The following AKAP19 variants were observed in gnomAD, a reference collection of about 807,000 sequenced individuals.
The protein encoded by AKAP19 is small A-kinase anchoring protein.
At chr2:189,930,345 C>T in the AKAP19 span, 1 of 576,570 alleles carries the variant, frequency 1.7e-6, no homozygotes. Flanking sequence ...ATCTACCAGT[C>T]ATAATACAGT....
chr2:190,099,081 AG>A, the AKAP19 span, among the ~76,000 whole-genome samples: 1 of 152,218 alleles, frequency 6.6e-6, no homozygotes, highest in Admixed American at 6.5e-5. Context: ...ATTGGCAAAA[AG>A]GCTGTTTTGC....
the AKAP19 span, among the ~76,000 whole-genome samples, chr2:190,010,605 A>G: frequency 2.0e-5 from 3 of 152,230 alleles, no homozygotes; most frequent in South Asian, 6.2e-4. Context: ...TTTGAAGATT[A>G]GTCATAAATT....
the AKAP19 span, among the ~76,000 whole-genome samples, chr2:190,118,582 T>C: frequency 6.6e-6 from 1 of 152,172 alleles, no homozygotes; most frequent in Admixed American, 6.5e-5. Flanking sequence ...TCAATAAACG[T>C]AATCCAGCAT....
At chr2:189,896,627 G>A in the AKAP19 span, among the ~76,000 whole-genome samples, 1 of 152,048 alleles carries the variant, frequency 6.6e-6, no homozygotes, top group Non-Finnish European at 1.5e-5. Context: ...ATATAAAGAT[G>A]CATTCTATCA....
At chr2:190,041,238 C>T in the AKAP19 span, among the ~76,000 whole-genome samples, 6 of 152,002 alleles carry the variant, frequency 3.9e-5, no homozygotes, top group Non-Finnish European at 7.4e-5. Flanking sequence ...TTTCTTCTTT[C>T]TGGTTAGCTG....
At chr2:190,063,458 C>A in the AKAP19 span, among the ~76,000 whole-genome samples, 4 of 151,956 alleles carry the variant, frequency 2.6e-5, no homozygotes, top group Non-Finnish European at 5.9e-5. Context: ...ATGTGTTTTT[C>A]ATTGTTTATT....
At chr2:190,200,249 T>G in the AKAP19 span, 1 of 918,522 alleles carries the variant, frequency 1.1e-6, no homozygotes, top group Non-Finnish European at 1.7e-6. Flanking sequence ...TATCTGGATT[T>G]AAAAATGTGT....
the AKAP19 span, among the ~76,000 whole-genome samples, chr2:189,901,684 A>G: frequency 1.3e-5 from 2 of 152,200 alleles, no homozygotes; most frequent in South Asian, 4.1e-4. Flanking sequence ...TTCATTTGGT[A>G]TAAGAAGGAA....
At chr2:190,020,044 A>G in the AKAP19 span, among the ~76,000 whole-genome samples, 2 of 152,098 alleles carry the variant, frequency 1.3e-5, no homozygotes, top group Non-Finnish European at 2.9e-5. Flanking sequence ...TTAGTTCCTG[A>G]TTCTTTGGTT....
the AKAP19 span, among the ~76,000 whole-genome samples, chr2:190,162,982 G>A: frequency 6.6e-6 from 1 of 152,184 alleles, no homozygotes; most frequent in South Asian, 2.1e-4. Context: ...AGCAAGTGGA[G>A]TGCATTATAT....
chr2:189,941,619 T>C, the AKAP19 span, among the ~76,000 whole-genome samples: 1 of 150,884 alleles, frequency 6.6e-6, no homozygotes, highest in Non-Finnish European at 1.5e-5. Context: ...GTCATATCTA[T>C]AAGATGTTTT....
At chr2:190,083,620 T>C in the AKAP19 span, among the ~76,000 whole-genome samples, 1 of 152,206 alleles carries the variant, frequency 6.6e-6, no homozygotes, top group Admixed American at 6.5e-5. Flanking sequence ...ATGACATTGA[T>C]TAGTGATTAG....
chr2:189,956,168 C>CTTTTTTT, the AKAP19 span, among the ~76,000 whole-genome samples: 9 of 4,342 alleles, frequency 2.1e-3, no homozygotes, highest in Non-Finnish European at 2.5e-3. Context: ...AGTATATTTT[C>CTTTTTTT]TTTTTTTTCT....
At chr2:189,940,113 A>G in the AKAP19 span, among the ~76,000 whole-genome samples, 1 of 152,158 alleles carries the variant, frequency 6.6e-6, no homozygotes, top group Non-Finnish European at 1.5e-5. Flanking sequence ...CCCTGTCTCC[A>G]CTAAAAATAC....
the AKAP19 span, among the ~76,000 whole-genome samples, chr2:189,937,377 C>A: frequency 6.6e-6 from 1 of 151,564 alleles, no homozygotes; most frequent in Admixed American, 6.6e-5. Flanking sequence ...CTCAAGCAGC[C>A]CTGTGGAGAG....
chr2:189,932,457 C>T, the AKAP19 span, among the ~76,000 whole-genome samples: 3 of 151,656 alleles, frequency 2.0e-5, no homozygotes. Flanking sequence ...GCTGATTCTC[C>T]CCCCACCACC....
chr2:190,121,378 G>T, the AKAP19 span, among the ~76,000 whole-genome samples: 2 of 152,094 alleles, frequency 1.3e-5, no homozygotes, highest in Non-Finnish European at 2.9e-5. Context: ...CTCCCAAAGT[G>T]CTGGGATTAC....
the AKAP19 span, among the ~76,000 whole-genome samples, chr2:190,071,289 A>C: frequency 6.6e-6 from 1 of 152,152 alleles, no homozygotes; most frequent in Non-Finnish European, 1.5e-5. Flanking sequence ...CTCTACAAAA[A>C]ATAAAAGTGA....
the AKAP19 span, among the ~76,000 whole-genome samples, chr2:189,889,634 A>T: frequency 2.0e-5 from 3 of 152,124 alleles, no homozygotes. Context: ...CAGGGATTCA[A>T]CTTCTTCCTG....
Sources: allele counts gnomAD v4.1 joint callset (sites outside exome capture counted in the v4.1 genomes callset), GRCh38; gene constraint gnomAD v4.1.1; transcripts MANE v1.5; gene names NCBI Gene and HGNC (gene_info 2026-07-23, HGNC 2026-07-21).